The following RGS6 variants were observed in gnomAD, a reference collection of about 807,000 sequenced individuals.
RGS6 encodes regulator of G protein signaling 6.
In RGS6, 30 loss-of-function variants were observed where a neutral mutation model predicts 78.5. The observed-to-expected ratio is 0.38, with a 90% confidence interval of 0.29 to 0.52. The LOEUF (loss-of-function observed/expected upper bound fraction) is 0.52, where lower values mean the gene tolerates loss of function less well. Ranked by LOEUF, RGS6 falls within the 20% of genes least tolerant of loss-of-function variation. RGS6 has a pLI of 0.85. For synonymous variants in RGS6, 206 were observed against 206.0 expected, an observed-to-expected ratio of 1.00 and a Z score of 0.00; for missense variants, 495 against 609.7, an observed-to-expected ratio of 0.81 and a Z score of 1.98.
intron 2 of RGS6, among the ~76,000 whole-genome samples, chr14:72,041,888 G>A (rs1489434186): frequency 1.3e-5 from 2 of 152,108 alleles, no homozygotes; most frequent in East Asian, 1.9e-4. Context: ...ATCAGTGTAT[G>A]AGAGTAGAAA....
chr14:72,037,950 C>G (rs1222118895), intron 2 of RGS6, among the ~76,000 whole-genome samples: 1 of 131,872 alleles, frequency 7.6e-6, no homozygotes, highest in Non-Finnish European at 1.7e-5. Flanking sequence ...TTTGCCAATA[C>G]CATGCTGTCT....
intron 2 of RGS6, among the ~76,000 whole-genome samples, chr14:72,313,497 G>A (rs527304405): frequency 6.6e-6 from 1 of 152,140 alleles, no homozygotes; most frequent in African/African-American, 2.4e-5. Context: ...TCCCTGGGAG[G>A]GGGGGCTTGC....
chr14:72,481,577 A>G (rs1029982805), intron 12 of RGS6, among the ~76,000 whole-genome samples: 2 of 152,176 alleles, frequency 1.3e-5, no homozygotes, highest in African/African-American at 4.8e-5. Flanking sequence ...AGATCATCCC[A>G]GTTCCAAATA....
chr14:72,234,995 C>A (rs1440755722), intron 2 of RGS6, among the ~76,000 whole-genome samples: 1 of 152,128 alleles, frequency 6.6e-6, no homozygotes, highest in Non-Finnish European at 1.5e-5. Context: ...CCTCGTTTTA[C>A]AATTGAGTCA....
intron 16 of RGS6, 146 bp downstream of exon 16, chr14:72,536,421 G>A: frequency 3.1e-6 from 2 of 650,550 alleles, no homozygotes; most frequent in Non-Finnish European, 5.5e-6. Context: ...CCATTCTAAT[G>A]GAAAACAGTT....
intron 12 of RGS6, among the ~76,000 whole-genome samples, chr14:72,485,949 C>T (rs897431347): frequency 1.3e-5 from 2 of 152,192 alleles, no homozygotes; most frequent in African/African-American, 4.8e-5. Flanking sequence ...GCTGTATCCC[C>T]ACCCAAATCT....
intron 17 of RGS6, among the ~76,000 whole-genome samples, chr14:72,559,251 C>T (rs1334999804): frequency 6.6e-6 from 1 of 152,208 alleles, no homozygotes; most frequent in Non-Finnish European, 1.5e-5. Context: ...GGGGCATGCA[C>T]TTTGGGGCAG....
At chr14:72,158,516 C>T (rs1043392245) in intron 2 of RGS6, among the ~76,000 whole-genome samples, 1 of 152,102 alleles carries the variant, frequency 6.6e-6, no homozygotes, top group Non-Finnish European at 1.5e-5. Context: ...GGGCTTTACA[C>T]TTAGGTAATT....
At chr14:72,123,280 A>AT (rs1049192786) in intron 2 of RGS6, among the ~76,000 whole-genome samples, 1 of 152,192 alleles carries the variant, frequency 6.6e-6, no homozygotes, top group Non-Finnish European at 1.5e-5. Context: ...TAACATATCC[A>AT]TTTTTTCTTC....
At chr14:72,368,701 C>G (rs1036819563) in intron 3 of RGS6, among the ~76,000 whole-genome samples, 14 of 152,088 alleles carry the variant, frequency 9.2e-5, no homozygotes, top group African/African-American at 3.4e-4. Flanking sequence ...GAGAATTGCC[C>G]AAAGTTAATC....
At chr14:72,575,265 G>A in the RGS6 span, among the ~76,000 whole-genome samples, 18 of 152,244 alleles carry the variant, frequency 1.2e-4, no homozygotes, top group African/African-American at 4.3e-4. Flanking sequence ...TCATGATGGA[G>A]AAGGTGAGGG....
At chr14:72,370,544 G>A (rs1244610534) in intron 3 of RGS6, among the ~76,000 whole-genome samples, 1 of 152,158 alleles carries the variant, frequency 6.6e-6, no homozygotes, top group Admixed American at 6.5e-5. Context: ...TTTTAACAAG[G>A]CCAAAGGTGA....
At chr14:72,140,906 A>G (rs1161664558) in intron 2 of RGS6, among the ~76,000 whole-genome samples, 1 of 152,214 alleles carries the variant, frequency 6.6e-6, no homozygotes, top group Non-Finnish European at 1.5e-5. Flanking sequence ...CTTGGTCCCC[A>G]CTGTGTTTGA....
chr14:72,168,943 C>T (rs2096969290), intron 2 of RGS6, among the ~76,000 whole-genome samples: 1 of 152,226 alleles, frequency 6.6e-6, no homozygotes, highest in African/African-American at 2.4e-5. Flanking sequence ...AATCTCTCTC[C>T]TTTGCCTACT....
chr14:72,415,349 A>T (rs2093724541), intron 3 of RGS6, among the ~76,000 whole-genome samples: 1 of 152,262 alleles, frequency 6.6e-6, no homozygotes, highest in Non-Finnish European at 1.5e-5. Context: ...CAGGTGCAGG[A>T]TATAATCTCC....
At chr14:72,381,430 C>T (rs1180343055) in intron 3 of RGS6, among the ~76,000 whole-genome samples, 1 of 151,776 alleles carries the variant, frequency 6.6e-6, no homozygotes, top group Non-Finnish European at 1.5e-5. Context: ...ATTTTTACAT[C>T]AATTTTTTAA....
the RGS6 span, among the ~76,000 whole-genome samples, chr14:71,890,863 G>A: frequency 6.6e-6 from 1 of 152,320 alleles, no homozygotes; most frequent in African/African-American, 2.4e-5. Flanking sequence ...ACAGCAGAAT[G>A]CAGTACTTTT....
chr14:72,587,138 G>A, the RGS6 span, among the ~76,000 whole-genome samples: 1 of 152,126 alleles, frequency 6.6e-6, no homozygotes, highest in African/African-American at 2.4e-5. Flanking sequence ...GGTAGCTGAT[G>A]GGACATGTCC....
At chr14:72,019,546 G>A (rs923180511) in intron 2 of RGS6, among the ~76,000 whole-genome samples, 11 of 151,966 alleles carry the variant, frequency 7.2e-5, no homozygotes, top group Non-Finnish European at 1.2e-4. Context: ...ATAGGAACCC[G>A]TTGTTTTCCA....
Sources: gnomAD v4.1 joint callset for allele counts (sites outside exome capture counted in the v4.1 genomes callset) on GRCh38, gnomAD v4.1.1 for gene constraint, MANE v1.5 for transcripts, NCBI Gene and HGNC (gene_info 2026-07-23, HGNC 2026-07-21) for gene names.